The following THSD7A variants were observed in gnomAD, a reference collection of about 807,000 sequenced individuals.
The protein encoded by THSD7A is thrombospondin type 1 domain containing 7A.
In THSD7A, 96 loss-of-function variants were observed where a neutral mutation model predicts 231.3. The observed-to-expected ratio is 0.41, with a 90% CI of 0.35 to 0.49. The LOEUF is 0.49. Among genes scored for constraint, THSD7A ranks in the 20% least tolerant of loss-of-function variants. THSD7A has a pLI of 0.05. For synonymous variants in THSD7A, 940 were observed against 743.3 expected, an observed-to-expected ratio of 1.26 and a Z score of -4.30; for missense variants, 2,290 against 2,070.2, an observed-to-expected ratio of 1.11 and a Z score of -2.06.
intron 24 of THSD7A, among the ~76,000 whole-genome samples, chr7:11,382,054 A>T (rs1782537734): frequency 6.6e-6 from 1 of 152,180 alleles, no homozygotes; most frequent in Non-Finnish European, 1.5e-5. Context: ...TAATTAATTT[A>T]AAAATCTCTA....
At chr7:11,526,308 A>G (rs1438358815) in intron 6 of THSD7A, among the ~76,000 whole-genome samples, 4 of 152,172 alleles carry the variant, frequency 2.6e-5, no homozygotes, top group Non-Finnish European at 5.9e-5. Context: ...TTAACCTAAA[A>G]TATACTGACC....
At chr7:11,673,310 G>C (rs940224206) in intron 1 of THSD7A, among the ~76,000 whole-genome samples, 2 of 152,108 alleles carry the variant, frequency 1.3e-5, no homozygotes, top group Non-Finnish European at 2.9e-5. Flanking sequence ...TTGGCAGGGA[G>C]AGACAACTGG....
intron 1 of THSD7A, among the ~76,000 whole-genome samples, chr7:11,672,337 A>G (rs1342466806): frequency 6.7e-6 from 1 of 148,430 alleles, no homozygotes; most frequent in South Asian, 2.2e-4. Context: ...AATAGTTTGT[A>G]TAATTGCTGC....
intron 1 of THSD7A, among the ~76,000 whole-genome samples, chr7:11,769,153 A>ATATATATATATATTTT: frequency 7.2e-5 from 2 of 27,650 alleles, no homozygotes; most frequent in African/African-American, 2.5e-4. Context: ...ATATATATAT[A>ATATATATATATATTTT]TTTTTTTTTT....
chr7:11,721,347 A>T (rs1372134526), intron 1 of THSD7A, among the ~76,000 whole-genome samples: 1 of 151,766 alleles, frequency 6.6e-6, no homozygotes, highest in African/African-American at 2.4e-5. Flanking sequence ...ATCTTATGAC[A>T]GTGAGTGAGT....
At chr7:11,649,573 T>C (rs1782414722) in intron 1 of THSD7A, among the ~76,000 whole-genome samples, 1 of 151,954 alleles carries the variant, frequency 6.6e-6, no homozygotes, top group African/African-American at 2.4e-5. Context: ...GATGAGTGTG[T>C]TGGTAAAAGC....
intron 24 of THSD7A, among the ~76,000 whole-genome samples, chr7:11,381,429 T>A (rs1168870808): frequency 1.3e-5 from 2 of 152,144 alleles, no homozygotes; most frequent in African/African-American, 4.8e-5. Flanking sequence ...TTTCAATAAA[T>A]CCAGGTAATT....
At chr7:11,429,796 G>A (rs559762885) in intron 13 of THSD7A, among the ~76,000 whole-genome samples, 5 of 152,298 alleles carry the variant, frequency 3.3e-5, no homozygotes, top group Admixed American at 1.3e-4. Flanking sequence ...GCAGAGCGAT[G>A]ACTGACTGAG....
intron 4 of THSD7A, among the ~76,000 whole-genome samples, chr7:11,558,858 A>G (rs1789958043): frequency 6.6e-6 from 1 of 152,212 alleles, no homozygotes; most frequent in South Asian, 2.1e-4. Context: ...CACAGATGTG[A>G]TTAAAGGTTT....
At chr7:11,640,534 C>T (rs1173895478) in intron 1 of THSD7A, among the ~76,000 whole-genome samples, 1 of 152,026 alleles carries the variant, frequency 6.6e-6, no homozygotes, top group Non-Finnish European at 1.5e-5. Flanking sequence ...CTAATTTCTC[C>T]ATGTTATCTG....
At chr7:11,623,263 G>C (rs929805286) in intron 2 of THSD7A, among the ~76,000 whole-genome samples, 2 of 152,134 alleles carry the variant, frequency 1.3e-5, no homozygotes, top group African/African-American at 4.8e-5. Context: ...CCATGAGTCA[G>C]CTCACTCCTC....
intron 1 of THSD7A, chr7:11,820,213 T>A: frequency 2.8e-6 from 1 of 353,132 alleles, no homozygotes; most frequent in Non-Finnish European, 5.2e-6. Context: ...GGGGTGGGGG[T>A]AGGATTTTTC....
chr7:11,654,490 C>G (rs189745293), intron 1 of THSD7A, among the ~76,000 whole-genome samples: 1 of 152,020 alleles, frequency 6.6e-6, no homozygotes, highest in Admixed American at 6.6e-5. Context: ...TTCTTTTAGC[C>G]TGAAGCAATA....
intron 1 of THSD7A, among the ~76,000 whole-genome samples, chr7:11,791,467 G>T (rs1296500293): frequency 1.3e-5 from 2 of 151,968 alleles, no homozygotes; most frequent in Non-Finnish European, 2.9e-5. Context: ...TTTGTTGAGG[G>T]TTGAAGGAAA....
intron 9 of THSD7A, among the ~76,000 whole-genome samples, chr7:11,463,167 A>T (rs940390633): frequency 2.0e-5 from 3 of 152,210 alleles, no homozygotes; most frequent in African/African-American, 7.2e-5. Context: ...AAATCAAATG[A>T]AACCTTTTTA....
intron 1 of THSD7A, among the ~76,000 whole-genome samples, chr7:11,789,321 T>A (rs929115117): frequency 6.6e-6 from 1 of 152,012 alleles, no homozygotes; most frequent in Non-Finnish European, 1.5e-5. Context: ...GCTTTTATTC[T>A]GAGGAGAAAT....
chr7:11,767,713 G>A (rs1429568682), intron 1 of THSD7A, among the ~76,000 whole-genome samples: 4 of 152,046 alleles, frequency 2.6e-5, no homozygotes, highest in African/African-American at 9.7e-5. Flanking sequence ...CATATAATTG[G>A]TCCTTAATTA....
intron 4 of THSD7A, among the ~76,000 whole-genome samples, chr7:11,555,192 G>A (rs541953124): frequency 6.6e-6 from 1 of 151,558 alleles, no homozygotes; most frequent in Non-Finnish European, 1.5e-5. Context: ...TTTGATTATT[G>A]ATTTGTGTCT....
chr7:11,788,702 T>C (rs935946671), intron 1 of THSD7A, among the ~76,000 whole-genome samples: 5 of 152,036 alleles, frequency 3.3e-5, no homozygotes, highest in African/African-American at 9.7e-5. Flanking sequence ...ATCAGACTGC[T>C]TTTATTCAAA....
Sources: gnomAD v4.1 joint callset for allele counts (sites outside exome capture counted in the v4.1 genomes callset) on GRCh38, gnomAD v4.1.1 for gene constraint, MANE v1.5 for transcripts, NCBI Gene and HGNC (gene_info 2026-07-23, HGNC 2026-07-21) for gene names.